Variants in OTOG observed in about 807,000 individuals in gnomAD.
OTOG encodes the protein otogelin.
OTOG carries 296 observed loss-of-function variants against 313.8 expected under a neutral mutation model. The ratio of observed to expected loss-of-function variants is 0.94; its 90% CI spans 0.86 to 1.04. OTOG has a LOEUF of 1.04. Ranked by LOEUF, OTOG falls within the 50% of genes least tolerant of loss-of-function variation. The probability of loss-of-function intolerance (pLI) is 0.00; values close to 1 mark genes in which losing one functional copy is unlikely to be tolerated. For missense variants in OTOG, 3,948 were observed against 3,840.1 expected (o/e 1.03, Z -0.74); for synonymous variants, 1,533 against 1,554.9 (o/e 0.99, Z 0.33).
chr11:17,555,721 G>T (rs1449486221), intron 6 of OTOG, 58 bp from the exon 7 acceptor site: 4 of 1,390,790 alleles, frequency 2.9e-6, no homozygotes, highest in African/African-American at 1.4e-5. Flanking sequence ...AAGGTGTGAA[G>T]CTCAGGGTCA....
chr11:17,611,459 T>C lies in OTOG; in HGVS notation c.6123+36T>C, dbSNP rs1343550256. ...TGCCAGGGTTCTGGCCACCCGTATG[T>C]GACCCTTCCCTTCATCCCTTCCTCT... On this transcript the variant is annotated intron_variant, in intron 36 of 55. Transcript: ENST00000399397. 11 of 1,472,226 alleles carry C rather than the reference T, an allele frequency of 7.5e-6. No homozygotes were observed. In the Admixed American group the frequency reaches 9.4e-5, roughly 13 times the overall value. 91.2% of individuals were successfully genotyped at this position (1,472,226 alleles called of 1,614,324 possible).
At chr11:17,639,590 T>C (rs957549887) in intron 49 of OTOG, 127 bp downstream of exon 49, 4 of 963,922 alleles carry the variant, frequency 4.1e-6, no homozygotes, top group African/African-American at 1.6e-5. Flanking sequence ...GTCAGCATTC[T>C]TTTCCCAAGC....
chr11:17,605,842 T>C lies in OTOG; in HGVS notation c.3878-15T>C. ...CCTCTGCCTGTACTGACTCTCCCCA[T>C]GTGGTTCTCTGCAGACCCAGATGTG... On this transcript the variant is annotated splice_polypyrimidine_tract_variant and intron_variant, in intron 32 of 55. Coordinates refer to ENST00000399397, the MANE Select transcript of OTOG (RefSeq NM_001292063.2). 4.6e-6 allele frequency: 7 copies of C among 1,526,264 alleles called. No homozygotes were observed. The highest frequency in any genetic ancestry group is 6.2e-6 in the Non-Finnish European group (7 of 1,131,856). 94.5% of individuals were successfully genotyped at this position (1,526,264 alleles called of 1,614,324 possible). A position where few individuals can be genotyped will look rare whatever the true frequency, so the allele number is the denominator to read the frequency against.
chr11:17,634,075 C>G lies in OTOG; in HGVS notation c.7274C>G (p.Thr2425Ser). The change falls in exon 44 of 56, where the codon ACT (threonine) becomes AGT (serine). Residue 2425 changes from threonine (T) to serine (S), a missense_variant. Coordinates refer to ENST00000399397, the MANE Select transcript of OTOG (RefSeq NM_001292063.2). ...CTGCCATTCCCCTCTGCAGCCTGCA[C>G]TGACAGCATGGGGGTGCCGAGGGCC... ...LCIPEAKCAC[T>S]DSMGVPRALG... is the part of the protein sequence containing the mutation. 1 of 1,545,296 alleles carries G rather than the reference C, an allele frequency of 6.5e-7. No individual in the cohort carries two copies. The highest frequency in any genetic ancestry group is 1.2e-5 in the South Asian group (1 of 83,968).
At chr11:17,596,701 C>T in intron 29 of OTOG, 150 bp from the exon 30 acceptor site, 1 of 673,694 alleles carries the variant, frequency 1.5e-6, no homozygotes, top group Non-Finnish European at 2.5e-6. Flanking sequence ...TTCTCGCTTC[C>T]TTGTCCTTCT....
At chr11:17,627,566 C>T (rs1265673897) in intron 39 of OTOG, among the ~76,000 whole-genome samples, 1 of 151,784 alleles carries the variant, frequency 6.6e-6, no homozygotes, top group African/African-American at 2.4e-5. Flanking sequence ...TTTGATATGT[C>T]CTGGTCTGGT....
In OTOG at chr11:17,633,699, C is replaced by A. The variant is rs1409954683; in HGVS notation, c.7092C>A (p.Asp2364Glu). ...SDYCPFLCSSDSTYQACVTAC... is the reference protein window; with the variant it reads ...SDYCPFLCSSESTYQACVTAC... ...CTGCAGCCTTCCTGTGCTCCAGCGA[C>A]TCCACATACCAGGCATGTGTGACAG... Residue 2364 changes from aspartate (D) to glutamate (E), a missense_variant, in exon 43 of 56, where the codon GAC becomes GAA. Transcript: ENST00000399397. The A allele has an allele frequency of 6.5e-7, 1 of 1,542,846 alleles. No individual in the cohort carries two copies. The highest frequency in any genetic ancestry group is 8.7e-7 in the Non-Finnish European group (1 of 1,143,046).
intron 23 of OTOG, among the ~76,000 whole-genome samples, chr11:17,586,251 A>T (rs1273627428): frequency 6.6e-6 from 1 of 152,240 alleles, no homozygotes; most frequent in Non-Finnish European, 1.5e-5. Context: ...GATGGATGAC[A>T]GAGACTCAGG....
chr11:17,598,069 A>G (rs1853156685), intron 30 of OTOG, among the ~76,000 whole-genome samples: 1 of 152,236 alleles, frequency 6.6e-6, no homozygotes, highest in Non-Finnish European at 1.5e-5. Context: ...GCCTGCAGGC[A>G]AGACGCCAAA....
chr11:17,644,816 C>G lies in OTOG; in HGVS notation c.8462-748C>G, dbSNP rs986894032. ...TCTGACAAGACAGTGATTGTCCCCT[C>G]GACAAATATAAGCAAGGGAGGGGTC... On this transcript the variant is annotated intron_variant, in intron 54 of 55. Coordinates refer to ENST00000399397, the MANE Select transcript of OTOG (RefSeq NM_001292063.2). Among the ~76,000 whole-genome samples the G allele has an allele frequency of 3.3e-5, 5 of 152,112 alleles. 1 individual carries two copies. Among genetic ancestry groups the G allele is most frequent in the Admixed American group, 2.0e-4 (3 of 15,276 alleles).
chr11:17,643,350 CG>C, intron 53 of OTOG, 110 bp from the exon 54 acceptor site: 1 of 693,686 alleles, frequency 1.4e-6, no homozygotes, highest in Non-Finnish European at 2.1e-6. Flanking sequence ...TGGGGCATCA[CG>C]GGGAGAGAAG....
At chr11:17,618,660 G>C (rs1853788317) in intron 39 of OTOG, among the ~76,000 whole-genome samples, 1 of 152,150 alleles carries the variant, frequency 6.6e-6, no homozygotes, top group African/African-American at 2.4e-5. Flanking sequence ...ATATCTGACT[G>C]TAATTGTTTA....
chr11:17,622,988 C>T (rs1477750990), intron 39 of OTOG, among the ~76,000 whole-genome samples: 1 of 152,210 alleles, frequency 6.6e-6, no homozygotes, highest in East Asian at 1.9e-4. Flanking sequence ...CTTTTCTCCA[C>T]ATCCTCACCA....
Position 17,561,113 on chromosome 11 carries a change from G to A in OTOG, c.1474G>A (p.Glu492Lys), listed in dbSNP as rs2134010342. Residue 492 changes from glutamate to lysine, a missense_variant, in exon 14 of 56, where the codon GAG becomes AAG. Glu to Lys is a moderately conservative substitution (Grantham distance 56). Transcript: ENST00000399397. ...NTCTCTSGKW[E>K]CSTAVCPAEC... ...TAGCACATGCACCTCAGGCAAGTGG[G>A]AGTGCAGCACAGCTGTCTGCCCAGG... The A allele has an allele frequency of 6.4e-7, 1 of 1,550,596 alleles. No homozygotes were observed. The highest frequency in any genetic ancestry group is 2.4e-5 in the East Asian group (1 of 40,918).
At chr11:17,634,801 C>G (rs937503294) in intron 44 of OTOG, 43 bp from the exon 45 acceptor site, 2 of 1,492,338 alleles carry the variant, frequency 1.3e-6, no homozygotes, top group African/African-American at 2.8e-5. Context: ...GCAGTGGGGA[C>G]ATCCGGCCCC....
chr11:17,640,520 C>T (rs1378988715), intron 49 of OTOG, among the ~76,000 whole-genome samples: 1 of 152,186 alleles, frequency 6.6e-6, no homozygotes, highest in Non-Finnish European at 1.5e-5. Flanking sequence ...GGGCTCTGTC[C>T]CTCGCTGTGA....
chr11:17,584,815 C>T (rs1052443002), intron 23 of OTOG, among the ~76,000 whole-genome samples: 10 of 152,304 alleles, frequency 6.6e-5, no homozygotes, highest in African/African-American at 1.7e-4. Flanking sequence ...CATGAGCCAC[C>T]GCACCAAGCC....
At chr11:17,576,228 G>A (rs536051013) in intron 20 of OTOG, among the ~76,000 whole-genome samples, 3 of 152,318 alleles carry the variant, frequency 2.0e-5, no homozygotes, top group South Asian at 2.1e-4. Context: ...TCCTGACATG[G>A]CATGGGCTCA....
rs554142640 is a variant in OTOG, at chr11:17,617,903, TTTC to T, written c.6528+4213_6528+4215del. ...AAGCCTATGTCATTAATTTGAGAAC[TTTC>T]TTCTTCTTCTATTTTTTTTTTTTTG... On this transcript the variant is annotated intron_variant, in intron 39 of 55. Transcript: ENST00000399397. Among the ~76,000 whole-genome samples the T allele has an allele frequency of 6.2e-4, 94 of 151,514 alleles. No individual in the cohort carries two copies. In the South Asian group the frequency reaches 7.1e-3, roughly 11 times the overall value.
Sources: gnomAD v4.1 joint callset for allele counts (sites outside exome capture counted in the v4.1 genomes callset) on GRCh38, gnomAD v4.1.1 for gene constraint, MANE v1.5 for transcripts, NCBI Gene and HGNC (gene_info 2026-07-23, HGNC 2026-07-21) for gene names.